Variants in ZNF624 observed in about 807,000 individuals in gnomAD.
The protein encoded by ZNF624 is zinc finger protein 624.
ZNF624 carries 43 observed loss-of-function variants against 74.7 expected under a neutral mutation model. That is an observed-to-expected ratio of 0.58 (90% CI 0.45 to 0.74). ZNF624 has a LOEUF of 0.74. Among genes scored for constraint, ZNF624 ranks in the 30% least tolerant of loss-of-function variants. ZNF624 has a pLI of 0.00. For missense variants in ZNF624, 820 were observed against 1,030.0 expected (o/e 0.80, Z 2.79); for synonymous variants, 331 against 341.3 (o/e 0.97, Z 0.33).
chr17:16,649,859 T>C (rs902924592), intron 1 of ZNF624, 113 bp from the exon 2 acceptor site: 9 of 784,096 alleles, frequency 1.1e-5, no homozygotes, highest in East Asian at 2.6e-5. Context: ...AGCACAAGAG[T>C]AACCCTTAAG....
At chr17:16,617,114 A>T (rs1480689408), downstream of ZNF624, 2 of 1,612,844 alleles carry the variant, frequency 1.2e-6, no homozygotes. Flanking sequence ...TGTGAATGGG[A>T]GCCCCGATCA....
chr17:16,649,315 T>C (rs1317596991), intron 2 of ZNF624, among the ~76,000 whole-genome samples: 2 of 152,192 alleles, frequency 1.3e-5, no homozygotes, highest in African/African-American at 2.4e-5. Context: ...TAATTTCCTA[T>C]ATAAAATTTT....
chr17:16,644,092 A>G (rs1252133018), intron 3 of ZNF624, among the ~76,000 whole-genome samples: 1 of 152,136 alleles, frequency 6.6e-6, no homozygotes. Flanking sequence ...GTCTCTATAC[A>G]CACTGTCTCT....
intron 3 of ZNF624, among the ~76,000 whole-genome samples, chr17:16,639,745 C>T (rs1195132137): frequency 6.6e-6 from 1 of 152,300 alleles, no homozygotes. Context: ...AGAATACAGA[C>T]TTTACAGATT....
chr17:16,650,789 T>C (rs1266265840), intron 1 of ZNF624, among the ~76,000 whole-genome samples: 1 of 152,194 alleles, frequency 6.6e-6, no homozygotes, highest in Non-Finnish European at 1.5e-5. Context: ...AGCAATTATA[T>C]GGTCCTGCAA....
intron 3 of ZNF624, among the ~76,000 whole-genome samples, chr17:16,642,034 T>C (rs959944312): frequency 1.3e-5 from 2 of 152,226 alleles, no homozygotes; most frequent in Admixed American, 6.5e-5. Context: ...GGACAATCGA[T>C]GTTCAAGTAT....
chr17:16,652,277 C>A (rs934853569), intron 1 of ZNF624, among the ~76,000 whole-genome samples: 2 of 152,114 alleles, frequency 1.3e-5, no homozygotes, highest in African/African-American at 4.8e-5. Flanking sequence ...CATACACTGA[C>A]CCCCAAGTTT....
At position 16,622,933 on chromosome 17, in the gene ZNF624, A is replaced by G. The variant is rs1908960431; in HGVS notation, c.1953T>C (p.Thr651=). ...TCTGATGTACAATAAGGTATGATTT[A>G]GTCCTAAAGGACTTTCCACAGTCAT... is the stretch of plus-strand genomic sequence containing the variant. ...KCYDCGKSFR[T]KSYLIVHQRT... The change falls in exon 6 of 6, where the codon ACT becomes ACC. Residue 651 remains threonine, a synonymous_variant. Transcript: ENST00000311331. 1.2e-6 allele frequency: 2 copies of G among 1,613,950 alleles called. No individual in the cohort carries two copies. Among genetic ancestry groups the G allele is most frequent in the South Asian group, 1.1e-5 (1 of 91,072 alleles).
At chr17:16,645,147 T>C (rs759347732) in intron 3 of ZNF624, among the ~76,000 whole-genome samples, 21 of 152,206 alleles carry the variant, frequency 1.4e-4, no homozygotes, top group Non-Finnish European at 2.2e-4. Context: ...GTCAAGATTA[T>C]ATAATAACCC....
At chr17:16,635,956 T>G (rs1313454593) in intron 3 of ZNF624, among the ~76,000 whole-genome samples, 1 of 151,214 alleles carries the variant, frequency 6.6e-6, no homozygotes, top group African/African-American at 2.4e-5. Flanking sequence ...GGTGGCACTA[T>G]GCAAGCCAGA....
In ZNF624 at chr17:16,624,199, T is replaced by C. The variant is rs1490764369; in HGVS notation, c.687A>G (p.Glu229=). 1 of 1,614,192 alleles carries C rather than the reference T, an allele frequency of 6.2e-7. No homozygotes were observed. Among genetic ancestry groups the C allele is most frequent in the Non-Finnish European group, 8.5e-7 (1 of 1,180,032 alleles). ...ELHSRCQTQE[E]NFTENLNLIT... is the part of the protein sequence containing the mutation. ...TCAAATTTAAATTCTCTGTGAAATT[T>C]TCCTCTTGTGTTTGGCATCTGCTGT... Residue 229 remains glutamate (E), a synonymous_variant, in exon 6 of 6, where the codon GAA becomes GAG. Coordinates refer to ENST00000311331, the MANE Select transcript of ZNF624 (RefSeq NM_020787.4).
downstream of ZNF624, among the ~76,000 whole-genome samples, chr17:16,616,069 C>T (rs1038752585): frequency 6.9e-6 from 1 of 144,296 alleles, no homozygotes; most frequent in Non-Finnish European, 1.5e-5. Flanking sequence ...AGCATTTATA[C>T]ATCAAAAACA....
chr17:16,649,597 G>A, intron 2 of ZNF624, 61 bp downstream of exon 2: 1 of 1,485,844 alleles, frequency 6.7e-7, no homozygotes, highest in Non-Finnish European at 9.4e-7. Flanking sequence ...CAAGCCTTCA[G>A]GCAAAGTAAA....
intron 4 of ZNF624, 47 bp downstream of exon 4, chr17:16,634,583 T>C: frequency 6.3e-7 from 1 of 1,578,278 alleles, no homozygotes; most frequent in Non-Finnish European, 8.6e-7. Context: ...TTGGCAAACC[T>C]GGTCAAATGG....
At chr17:16,618,542 A>C (rs921738223), downstream of ZNF624, among the ~76,000 whole-genome samples, 2 of 152,198 alleles carry the variant, frequency 1.3e-5, no homozygotes, top group Non-Finnish European at 2.9e-5. Flanking sequence ...CTAAGGACCT[A>C]AAATAGTGAC....
intron 3 of ZNF624, among the ~76,000 whole-genome samples, chr17:16,645,945 C>CAAAA (rs35486112): frequency 0.019 from 1,045 of 55,922 alleles, 87 homozygotes; most frequent in African/African-American, 0.066. Flanking sequence ...GACTCCATCT[C>CAAAA]AAAAAAAAAA....
the ZNF624 span, among the ~76,000 whole-genome samples, chr17:16,615,215 A>G: frequency 6.6e-6 from 1 of 152,280 alleles, no homozygotes; most frequent in East Asian, 1.9e-4. Context: ...CTCCTGCCTC[A>G]GCCTCCTGAG....
chr17:16,626,231 G>A (rs955933166), intron 5 of ZNF624, among the ~76,000 whole-genome samples: 2 of 152,120 alleles, frequency 1.3e-5, no homozygotes, highest in African/African-American at 4.8e-5. Context: ...GGTTTCAGGC[G>A]TGAGCCACTG....
At chr17:16,644,901 G>T (rs1484698859) in intron 3 of ZNF624, among the ~76,000 whole-genome samples, 1 of 152,184 alleles carries the variant, frequency 6.6e-6, no homozygotes, top group Non-Finnish European at 1.5e-5. Context: ...ACATCAGAAA[G>T]AATGAAAGTG....
Sources: gnomAD v4.1 joint callset for allele counts (sites outside exome capture counted in the v4.1 genomes callset) on GRCh38, gnomAD v4.1.1 for gene constraint, MANE v1.5 for transcripts, NCBI Gene and HGNC (gene_info 2026-07-23, HGNC 2026-07-21) for gene names.